Variants in PCDHGB4 observed in about 807,000 individuals in gnomAD.
PCDHGB4 encodes the protein protocadherin gamma-B4.
A neutral mutation model predicts 60.5 loss-of-function variants in PCDHGB4; 38 were observed. That is an observed-to-expected ratio of 0.63 (90% CI 0.48 to 0.82). PCDHGB4 has a LOEUF of 0.82. Ranked by LOEUF, PCDHGB4 falls within the 40% of genes least tolerant of loss-of-function variation. The pLI is 0.00. For synonymous variants in PCDHGB4, 456 were observed against 509.7 expected (o/e 0.89, Z 1.42); for missense variants, 1,109 against 1,209.6 (o/e 0.92, Z 1.23).
At chr5:141,428,091 T>C (rs769710543) in intron 1 of PCDHGB4, 2 of 1,609,000 alleles carry the variant, frequency 1.2e-6, no homozygotes, top group East Asian at 2.2e-5. Flanking sequence ...CGCTTGGCTG[T>C]CCTACCACGT....
chr5:141,491,702 T>A lies in PCDHGB4; in HGVS notation c.2398-3105T>A. The A allele has an allele frequency of 6.2e-7, 1 of 1,611,514 alleles. No homozygotes were observed. Among genetic ancestry groups the A allele is most frequent in the Non-Finnish European group, 8.5e-7 (1 of 1,178,984 alleles). ...AATACGCTGCGGGAGCGGAGCCAGG[T>A]GAGGGGCTCGGCGCCGCCCCGGGCG... On this transcript the variant is annotated intron_variant, in intron 1 of 3. Coordinates refer to ENST00000519479, the MANE Select transcript of PCDHGB4 (RefSeq NM_003736.4). The surrounding 1 kb of genome is among the most constrained non-coding windows in gnomAD (Gnocchi z 6.9).
rs2092610841 is a variant in PCDHGB4 at position 141,392,842 on chromosome 5, G to C, written c.2397+2561G>C. 6.2e-7 allele frequency: 1 copy of C among 1,609,194 alleles called. No homozygotes were observed. The highest frequency in any genetic ancestry group is 8.5e-7 in the Non-Finnish European group (1 of 1,177,812). On this transcript the variant is annotated intron_variant, in intron 1 of 3. Transcript: ENST00000519479. ...GCCGCTCCACAGAGTCGCCCCAGACGCGGCGAGCTGATCCTGCTGTGCGCG... is the reference window on the plus strand; with the variant it reads ...GCCGCTCCACAGAGTCGCCCCAGACCCGGCGAGCTGATCCTGCTGTGCGCG...
intron 2 of PCDHGB4, among the ~76,000 whole-genome samples, chr5:141,500,779 T>C (rs1222392685): frequency 1.3e-5 from 2 of 152,238 alleles, no homozygotes; most frequent in Non-Finnish European, 2.9e-5. Context: ...TGAATATACA[T>C]ATTATTTTAC....
chr5:141,478,420 C>A, intron 1 of PCDHGB4: 1 of 1,613,676 alleles, frequency 6.2e-7, no homozygotes, highest in Non-Finnish European at 8.5e-7. Context: ...ACTCCCGCCG[C>A]AGCGACCCGC....
intron 1 of PCDHGB4, chr5:141,392,912 C>T: frequency 6.2e-7 from 1 of 1,613,908 alleles, no homozygotes; most frequent in South Asian, 1.1e-5. Context: ...AGATTCGCTA[C>T]TCTGTGCCAG....
intron 1 of PCDHGB4, chr5:141,405,379 G>T: frequency 1.2e-6 from 2 of 1,606,832 alleles, no homozygotes; most frequent in Non-Finnish European, 1.7e-6. Flanking sequence ...TGGTTCCGGT[G>T]AGTTCATTTT....
Position 141,489,267 on chromosome 5 carries a change from C to G in PCDHGB4, c.2398-5540C>G. 6.4e-7 allele frequency: 1 copy of G among 1,553,302 alleles called. No homozygotes were observed. Among genetic ancestry groups the G allele is most frequent in the Non-Finnish European group, 8.7e-7 (1 of 1,149,864 alleles). The stretch of plus-strand genomic sequence containing the variant: ...TGGGGCCCAAGACACTCCCACAGCT[C>G]GCTGGGAAATGGCAAGTGCTGTGCA... On this transcript the variant is annotated intron_variant, in intron 1 of 3. Coordinates refer to ENST00000519479, the MANE Select transcript of PCDHGB4 (RefSeq NM_003736.4). The surrounding 1 kb of genome is among the most constrained non-coding windows in gnomAD (Gnocchi z 4.5).
intron 1 of PCDHGB4, chr5:141,408,797 C>A (rs965305130): frequency 6.2e-7 from 1 of 1,612,958 alleles, no homozygotes; most frequent in African/African-American, 1.3e-5. Context: ...TCTGGAGAAA[C>A]TCCTAGACCG....
chr5:141,400,734 G>T, intron 1 of PCDHGB4: 1 of 634,546 alleles, frequency 1.6e-6, no homozygotes, highest in Non-Finnish European at 2.7e-6. Context: ...AAAGTAGTGA[G>T]AGTTTGCTCT....
At chr5:141,410,012 C>T (rs1256228205) in intron 1 of PCDHGB4, 24 of 1,613,212 alleles carry the variant, frequency 1.5e-5, no homozygotes, top group Non-Finnish European at 2.0e-5. Context: ...CAACGCCTGG[C>T]TGTCCTACCA....
intron 1 of PCDHGB4, chr5:141,393,902 G>C: frequency 6.2e-7 from 1 of 1,613,968 alleles, no homozygotes; most frequent in Non-Finnish European, 8.5e-7. Flanking sequence ...CTCTTCCCGG[G>C]ACAGTAATTG....
At position 141,505,479 on chromosome 5, in the gene PCDHGB4, G is replaced by A; in HGVS notation, c.2543G>A (p.Ser848Asn). 1 of 1,614,228 alleles carries A rather than the reference G, an allele frequency of 6.2e-7. No homozygotes were observed. The highest frequency in any genetic ancestry group is 8.5e-7 in the Non-Finnish European group (1 of 1,180,018). Residue 848 changes from serine to asparagine, a missense_variant and splice_region_variant, in exon 3 of 4, where the codon AGT (serine) becomes AAT (asparagine). Ser to Asn is a conservative substitution (Grantham distance 46, BLOSUM62 1). Coordinates refer to ENST00000519479, the MANE Select transcript of PCDHGB4 (RefSeq NM_003736.4). Reference sequence around the variant, plus strand: ...CAAGCCATGATCTTGGCGTCCGCCAGTGGTAAGTGGTGTCAGTGTGTGTAT... The same window carrying A: ...CAAGCCATGATCTTGGCGTCCGCCAATGGTAAGTGGTGTCAGTGTGTGTAT... Reference protein sequence around the residue: ...MLQAMILASASEAADGSSTLG... With the variant: ...MLQAMILASANEAADGSSTLG...
chr5:141,389,322 G>A lies in PCDHGB4; in HGVS notation c.1438G>A (p.Gly480Arg). ...AGTCAGGGCTTCTGATCCGGACTTG[G>A]GGCCCAACGGCCAAGTCTCTTACTG... ...SQVRASDPDL[G>R]PNGQVSYCIM... Residue 480 changes from glycine to arginine, a missense_variant, in exon 1 of 4, where the codon GGG (glycine) becomes AGG (arginine). This residue lies in a region of PCDHGB4 where 1,068 missense variants were observed against 1,089.9 expected (regional missense o/e 0.98). Coordinates refer to ENST00000519479, the MANE Select transcript of PCDHGB4 (RefSeq NM_003736.4). 6.2e-7 allele frequency: 1 copy of A among 1,613,984 alleles called. No individual in the cohort carries two copies. The highest frequency in any genetic ancestry group is 2.2e-5 in the East Asian group (1 of 44,880).
rs1035125527 is a variant in PCDHGB4, at chr5:141,485,059, C to T, written c.2398-9748C>T. The T allele has an allele frequency of 7.0e-6, 6 of 858,958 alleles. No homozygotes were observed. The highest frequency in any genetic ancestry group is 2.4e-5 in the East Asian group (1 of 40,854). 53.2% of individuals were successfully genotyped at this position (858,958 alleles called of 1,614,324 possible). A position where few individuals can be genotyped will look rare whatever the true frequency, so the allele number is the denominator to read the frequency against. ...AACCCTTGCGGCGCCGGCCGAACCG[C>T]GCCAGAGCTGGCGCGGGGAAAGGGA... On this transcript the variant is annotated intron_variant, in intron 1 of 3. Coordinates refer to ENST00000519479, the MANE Select transcript of PCDHGB4 (RefSeq NM_003736.4). This position sits in a 1 kb window ranked among gnomAD's most constrained non-coding sequence, Gnocchi z 5.7.
chr5:141,424,127 A>T (rs901831932), intron 1 of PCDHGB4: 1 of 486,538 alleles, frequency 2.1e-6, no homozygotes, highest in African/African-American at 2.1e-5. Flanking sequence ...GATCCTGTTG[A>T]TTTAATAGCA....
At chr5:141,458,485 A>G (rs2098946793) in intron 1 of PCDHGB4, among the ~76,000 whole-genome samples, 1 of 151,558 alleles carries the variant, frequency 6.6e-6, no homozygotes, top group Non-Finnish European at 1.5e-5. Context: ...GAAAATGAGG[A>G]CTGCCTGTAC....
intron 1 of PCDHGB4, chr5:141,405,552 G>A (rs2094685427): frequency 1.6e-6 from 1 of 623,718 alleles, no homozygotes. Context: ...CCCAAGTAGA[G>A]TAGCTGGGAC....
intron 1 of PCDHGB4, among the ~76,000 whole-genome samples, chr5:141,429,377 G>GTT (rs566693637): frequency 2.2e-4 from 33 of 149,524 alleles, no homozygotes; most frequent in South Asian, 1.5e-3. Context: ...GAGAAAATGT[G>GTT]TTTTTTTTTT....
chr5:141,422,513 G>T, intron 1 of PCDHGB4: 2 of 1,614,000 alleles, frequency 1.2e-6, no homozygotes, highest in Non-Finnish European at 1.7e-6. Context: ...ACAGACCAGG[G>T]AAGCCCGCCT....
Sources: gnomAD v4.1 joint callset for allele counts (sites outside exome capture counted in the v4.1 genomes callset) on GRCh38, gnomAD v4.1.1 for gene constraint, gnomAD v4.1.1 regional missense constraint, Gnocchi (gnomAD v3.1) non-coding constraint, MANE v1.5 for transcripts, NCBI Gene and HGNC (gene_info 2026-07-23, HGNC 2026-07-21) for gene names.